MAP2: variants seen among roughly 807,000 people sequenced by gnomAD.
MAP2 encodes the protein microtubule-associated protein 2.
A neutral mutation model predicts 137.6 loss-of-function variants in MAP2; 14 were observed. That is an observed-to-expected ratio of 0.10 (90% confidence interval 0.07 to 0.16). The LOEUF (loss-of-function observed/expected upper bound fraction) is 0.16, where lower values mean the gene tolerates loss of function less well. Ranked by LOEUF, MAP2 falls within the 10% of genes least tolerant of loss-of-function variation. The pLI, the probability that MAP2 is intolerant of heterozygous loss-of-function variation, is 1.00. For synonymous variants in MAP2, 786 were observed against 782.3 expected, an observed-to-expected ratio of 1.00 and a Z score of -0.08; for missense variants, 2,088 against 2,191.5, an observed-to-expected ratio of 0.95 and a Z score of 0.94.
intron 2 of MAP2, among the ~76,000 whole-genome samples, chr2:209,577,679 T>A (rs1253599287): frequency 6.6e-6 from 1 of 152,190 alleles, no homozygotes; most frequent in Non-Finnish European, 1.5e-5. Flanking sequence ...AAAGTTTAAC[T>A]TGTCTATACC....
Position 209,457,368 on chromosome 2 carries a change from G to A in MAP2, c.-222+33092G>A, listed in dbSNP as rs1423392306. ...CTATGTATCTTATCTGGGGAGCAGT[G>A]AACCAGCTGCTAGAAAATGACTGCA... is the stretch of plus-strand genomic sequence containing the variant. On this transcript the variant is annotated intron_variant, in intron 1 of 15. Transcript: ENST00000682079. Among the ~76,000 whole-genome samples, 5 of 152,148 alleles carry A rather than the reference G, an allele frequency of 3.3e-5. No individual in the cohort carries two copies. In the South Asian group the frequency reaches 6.2e-4, roughly 19 times the overall value.
chr2:209,480,888 TTCCC>T (rs1296451787), intron 1 of MAP2, among the ~76,000 whole-genome samples: 1 of 152,112 alleles, frequency 6.6e-6, no homozygotes, highest in Non-Finnish European at 1.5e-5. Context: ...ATCCCATTGT[TTCCC>T]TCCCTCCCAC....
In MAP2 at chr2:209,625,068, T is replaced by C. The variant is rs2092033002; in HGVS notation, c.-91T>C. The stretch of plus-strand genomic sequence containing the variant: ...TTTTTAACAGAAAGAAGCCAGAAAA[T>C]ATTATCAACCCTTTGAGAACACGAC... On this transcript the variant is annotated 5_prime_UTR_variant, in exon 4 of 16. Coordinates refer to ENST00000682079, the MANE Select transcript of MAP2 (RefSeq NM_001375505.1). 1 of 152,148 alleles carries C rather than the reference T, an allele frequency of 6.6e-6. No individual in the cohort carries two copies. The highest frequency in any genetic ancestry group is 1.5e-5 in the Non-Finnish European group (1 of 68,028). 9.4% of individuals were successfully genotyped at this position (152,148 alleles called of 1,614,324 possible).
chr2:209,673,662 C>T (rs2049929905), intron 5 of MAP2, among the ~76,000 whole-genome samples: 1 of 151,774 alleles, frequency 6.6e-6, no homozygotes, highest in African/African-American at 2.4e-5. Flanking sequence ...ATATTTTCAG[C>T]TATGAAGATC....
At chr2:209,490,281 T>A (rs2058912903) in intron 1 of MAP2, among the ~76,000 whole-genome samples, 1 of 152,082 alleles carries the variant, frequency 6.6e-6, no homozygotes, top group South Asian at 2.1e-4. Context: ...ATGGAAGCGC[T>A]AAATGTAGCA....
At chr2:209,515,615 GAC>G (rs2150325460) in intron 2 of MAP2, among the ~76,000 whole-genome samples, 1 of 152,092 alleles carries the variant, frequency 6.6e-6, no homozygotes, top group South Asian at 2.1e-4. Context: ...ATGATTCAAT[GAC>G]CTCCCACCTG....
chr2:209,724,583 A>AAG (rs145497846), intron 13 of MAP2, among the ~76,000 whole-genome samples: 2,297 of 149,160 alleles, frequency 0.015, 54 homozygotes, highest in South Asian at 0.068. Flanking sequence ...TCAAGCAGTG[A>AAG]AGAGAGAGAG....
At chr2:209,447,548 G>A (rs1424607078) in intron 1 of MAP2, among the ~76,000 whole-genome samples, 1 of 152,048 alleles carries the variant, frequency 6.6e-6, no homozygotes, top group African/African-American at 2.4e-5. Context: ...TGAGTAGCCA[G>A]CAAAAGAAAC....
At chr2:209,581,469 C>T (rs1226516532) in intron 3 of MAP2, among the ~76,000 whole-genome samples, 2 of 152,164 alleles carry the variant, frequency 1.3e-5, no homozygotes, top group East Asian at 3.8e-4. Flanking sequence ...AGAAATTACT[C>T]AGTGGAATCG....
intron 1 of MAP2, among the ~76,000 whole-genome samples, chr2:209,453,751 G>A (rs1051165572): frequency 3.3e-5 from 5 of 150,212 alleles, no homozygotes; most frequent in African/African-American, 1.3e-4. Context: ...TAGATGGGGT[G>A]TCATGTCAGG....
chr2:209,548,901 C>T (rs1220005625), intron 2 of MAP2, among the ~76,000 whole-genome samples: 1 of 152,170 alleles, frequency 6.6e-6, no homozygotes, highest in African/African-American at 2.4e-5. Flanking sequence ...CCATGCAGAA[C>T]TGTGAGTCAA....
At chr2:209,559,848 T>C (rs2071595903) in intron 2 of MAP2, among the ~76,000 whole-genome samples, 3 of 152,184 alleles carry the variant, frequency 2.0e-5, no homozygotes. Context: ...GACTTCTTGT[T>C]CCTTTTAGTG....
Position 209,725,779 on chromosome 2 carries a change from G to T in MAP2, c.5144G>T (p.Arg1715Leu), listed in dbSNP as rs1166578294. The part of the protein sequence containing the change: ...TSKCGSLKNI[R>L]HRPGGGRVKI... ...AAATGTGGCTCTCTGAAGAACATCC[G>T]CCACAGGCCAGGTAAATAAATAATT... Residue 1715 changes from arginine to leucine, a missense_variant, in exon 14 of 16, where the codon CGC becomes CTC. Around this residue, in one of 6 missense-constraint regions of MAP2, gnomAD observed 112 missense variants for 201.0 expected, o/e 0.56. Coordinates refer to ENST00000682079, the MANE Select transcript of MAP2 (RefSeq NM_001375505.1). 6.3e-7 allele frequency: 1 copy of T among 1,592,740 alleles called. No homozygotes were observed. Among genetic ancestry groups the T allele is most frequent in the Non-Finnish European group, 8.6e-7 (1 of 1,169,224 alleles).
At chr2:209,469,009 A>G (rs1048054307) in intron 1 of MAP2, among the ~76,000 whole-genome samples, 1 of 152,210 alleles carries the variant, frequency 6.6e-6, no homozygotes, top group Non-Finnish European at 1.5e-5. Flanking sequence ...TTTATGACTG[A>G]GCCAGAAACT....
intron 1 of MAP2, among the ~76,000 whole-genome samples, chr2:209,493,308 A>G (rs557695405): frequency 2.6e-5 from 4 of 152,254 alleles, no homozygotes; most frequent in Non-Finnish European, 4.4e-5. Flanking sequence ...TAAACATAAT[A>G]CCTAAAACCA....
intron 1 of MAP2, among the ~76,000 whole-genome samples, chr2:209,495,169 A>G (rs2059598174): frequency 1.3e-5 from 2 of 152,240 alleles, no homozygotes; most frequent in Admixed American, 1.3e-4. Context: ...CTCTGAAAGA[A>G]AGGCAGCAGC....
intron 5 of MAP2, among the ~76,000 whole-genome samples, chr2:209,653,846 A>G (rs2153612205): frequency 6.6e-6 from 1 of 152,278 alleles, no homozygotes; most frequent in Non-Finnish European, 1.5e-5. Context: ...ACATACTGTA[A>G]TTTTTTTAAT....
At chr2:209,675,570 A>G (rs1048314168) in intron 5 of MAP2, among the ~76,000 whole-genome samples, 18 of 151,772 alleles carry the variant, frequency 1.2e-4, no homozygotes, top group African/African-American at 3.1e-4. Context: ...GTGTACCACA[A>G]TGTTATTTGG....
At chr2:209,639,248 A>G (rs898060624) in intron 4 of MAP2, among the ~76,000 whole-genome samples, 1 of 152,134 alleles carries the variant, frequency 6.6e-6, no homozygotes, top group African/African-American at 2.4e-5. Context: ...AAAACATAAT[A>G]ATGTCAATAC....
Sources: gnomAD v4.1 joint callset for allele counts (sites outside exome capture counted in the v4.1 genomes callset) on GRCh38, gnomAD v4.1.1 for gene constraint, gnomAD v4.1.1 regional missense constraint, MANE v1.5 for transcripts, NCBI Gene and HGNC (gene_info 2026-07-23, HGNC 2026-07-21) for gene names.